Variants in TBC1D30 observed in about 807,000 individuals in gnomAD.
TBC1D30 encodes TBC1 domain family member 30, also known as TBC1 domain family, member 30.
TBC1D30 carries 31 observed loss-of-function variants against 63.2 expected under a neutral mutation model. The ratio of observed to expected loss-of-function variants is 0.49; its 90% CI spans 0.37 to 0.66. The LOEUF (loss-of-function observed/expected upper bound fraction) is 0.66, where lower values mean the gene tolerates loss of function less well. TBC1D30 is among the 30% of genes least tolerant of loss of function. The pLI, the probability that TBC1D30 is intolerant of heterozygous loss-of-function variation, is 0.00. For synonymous variants in TBC1D30, 307 were observed against 361.5 expected (o/e 0.85, Z 1.71); for missense variants, 810 against 953.6 (o/e 0.85, Z 1.98).
chr12:64,775,415 A>C (rs887674485), intron 1 of TBC1D30, among the ~76,000 whole-genome samples: 1 of 152,200 alleles, frequency 6.6e-6, no homozygotes, highest in African/African-American at 2.4e-5. Flanking sequence ...ACATAGGCTC[A>C]AAATAAAGGG....
chr12:64,800,953 G>A (rs1462055617), intron 2 of TBC1D30, among the ~76,000 whole-genome samples: 1 of 152,170 alleles, frequency 6.6e-6, no homozygotes, highest in Non-Finnish European at 1.5e-5. Flanking sequence ...GGATATTAGA[G>A]TCATTCTGGA....
intron 2 of TBC1D30, among the ~76,000 whole-genome samples, chr12:64,792,566 T>A (rs926727511): frequency 1.4e-4 from 22 of 152,172 alleles, no homozygotes; most frequent in African/African-American, 5.1e-4. Flanking sequence ...TTAGGCTAGT[T>A]ATTATTTATT....
At chr12:64,766,797 A>G (rs921416615) in intron 1 of TBC1D30, among the ~76,000 whole-genome samples, 6 of 152,212 alleles carry the variant, frequency 3.9e-5, no homozygotes, top group Non-Finnish European at 8.8e-5. Flanking sequence ...GTACTAGGCC[A>G]TAAAACAAAC....
chr12:64,785,857 A>T, intron 1 of TBC1D30: 3 of 1,282,000 alleles, frequency 2.3e-6, no homozygotes, highest in Non-Finnish European at 3.1e-6. Flanking sequence ...ATTAATCGTT[A>T]TTCTTATTTT....
rs1282403049 is a variant in TBC1D30 at position 64,870,594 on chromosome 12, G to A, written c.1292-8G>A. ...ACCATCTCCTTATGTCTCATCCTTC[G>A]AGCGCAGAGCCAAATGAGGAGCAGA... is the stretch of plus-strand genomic sequence containing the variant. On this transcript the variant is annotated splice_polypyrimidine_tract_variant and splice_region_variant and intron_variant, in intron 10 of 11. Transcript: ENST00000539867. 17 of 1,535,732 alleles carry A rather than the reference G, an allele frequency of 1.1e-5. No homozygotes were observed. In the East Asian group the frequency reaches 1.5e-4, roughly 13 times the overall value.
At chr12:64,857,552 G>C (rs1877413585) in intron 8 of TBC1D30, among the ~76,000 whole-genome samples, 1 of 152,208 alleles carries the variant, frequency 6.6e-6, no homozygotes, top group South Asian at 2.1e-4. Flanking sequence ...CACTGCCTGG[G>C]GTTGGGGGAG....
At chr12:64,827,262 C>T (rs981576302) in intron 1 of TBC1D30, among the ~76,000 whole-genome samples, 2 of 152,198 alleles carry the variant, frequency 1.3e-5, no homozygotes, top group Admixed American at 6.5e-5. Flanking sequence ...TCAGCCTGAC[C>T]AACATGACGA....
intron 8 of TBC1D30, 128 bp from the exon 9 acceptor site, chr12:64,864,540 C>G: frequency 3.4e-6 from 2 of 589,652 alleles, no homozygotes; most frequent in Non-Finnish European, 5.9e-6. Context: ...AATCTCTCCA[C>G]CTGCTGTGTA....
Position 64,799,371 on chromosome 12 carries a change from T to C in TBC1D30, c.643+13326T>C, listed in dbSNP as rs548208411. On this transcript the variant is annotated intron_variant, in intron 2 of 12. Transcript: ENST00000542120. ...TATGTGAATTAAGTGAGTTAAAGTA[T>C]GTAAAATGTTTAGAAAACTGTCTGG... 2.6e-5 allele frequency among the ~76,000 whole-genome samples: 4 copies of C among 152,232 alleles called. No individual in the cohort carries two copies. In the East Asian group the frequency reaches 7.7e-4, roughly 29 times the overall value.
chr12:64,848,147 T>A (rs1048686134), intron 8 of TBC1D30, among the ~76,000 whole-genome samples: 1 of 152,074 alleles, frequency 6.6e-6, no homozygotes, highest in Non-Finnish European at 1.5e-5. Context: ...ACCTTCTTTG[T>A]CTCTTCTTAA....
chr12:64,860,717 A>G (rs945668648), intron 8 of TBC1D30, among the ~76,000 whole-genome samples: 1 of 152,208 alleles, frequency 6.6e-6, no homozygotes, highest in African/African-American at 2.4e-5. Flanking sequence ...CTGGCTTTAA[A>G]GAAACTTAAA....
At position 64,876,723 on chromosome 12, in the gene TBC1D30, T is replaced by G; in HGVS notation, c.*935T>G. ...CACCTGTGACTCTGTTACTTGAATT[T>G]TGTGCTTTTTGATTGGAGTCCTTTG... On this transcript the variant is annotated 3_prime_UTR_variant, in exon 12 of 12. Coordinates refer to ENST00000539867, the MANE Select transcript of TBC1D30 (RefSeq NM_015279.2). The G allele has an allele frequency of 2.2e-6, 1 of 451,720 alleles. No individual in the cohort carries two copies. The highest frequency in any genetic ancestry group is 2.4e-5 in the Admixed American group (1 of 42,378). The allele number at this position is 451,720 out of a possible 1,614,324, so 28.0% of individuals were successfully genotyped here.
In TBC1D30 at chr12:64,825,248, G is replaced by A. The variant is rs571986392; in HGVS notation, c.154+215G>A. 703 of 529,294 alleles carry A rather than the reference G, an allele frequency of 1.3e-3. 19 individuals are homozygous for A. The Admixed American group carries it at 0.025, about 19-fold the overall frequency. 32.8% of individuals were successfully genotyped at this position (529,294 alleles called of 1,614,324 possible). A position where few individuals can be genotyped will look rare whatever the true frequency, so the allele number is the denominator to read the frequency against. On this transcript the variant is annotated intron_variant, in intron 1 of 11. Coordinates refer to ENST00000539867, the MANE Select transcript of TBC1D30 (RefSeq NM_015279.2). ...GGGTGGGGCAGCGGCCACCCCAGGCGCGGAGAACCCGCTGCTTCCACCCTC... is the reference window on the plus strand; with the variant it reads ...GGGTGGGGCAGCGGCCACCCCAGGCACGGAGAACCCGCTGCTTCCACCCTC...
chr12:64,783,395 C>A (rs80090985), intron 1 of TBC1D30, among the ~76,000 whole-genome samples: 2 of 152,136 alleles, frequency 1.3e-5, no homozygotes, highest in African/African-American at 4.8e-5. Flanking sequence ...CCTCAGAGGG[C>A]TGTGGTGAGA....
At chr12:64,805,805 C>T (rs1391145652) in intron 2 of TBC1D30, among the ~76,000 whole-genome samples, 1 of 152,012 alleles carries the variant, frequency 6.6e-6, no homozygotes, top group Non-Finnish European at 1.5e-5. Context: ...TGCACTCCAG[C>T]CTGGGTGACA....
intron 11 of TBC1D30, among the ~76,000 whole-genome samples, chr12:64,872,934 A>G (rs770661715): frequency 3.3e-5 from 5 of 152,164 alleles, no homozygotes; most frequent in Non-Finnish European, 7.3e-5. Context: ...CCATGATTCA[A>G]TTATCTCTTA....
At chr12:64,834,707 C>CTTTTTTTTTTTTTTTT (rs11374555) in intron 5 of TBC1D30, among the ~76,000 whole-genome samples, 1 of 76,320 alleles carries the variant, frequency 1.3e-5, no homozygotes, top group Non-Finnish European at 2.5e-5. Context: ...CCGTGCCGGG[C>CTTTTTTTTTTTTTTTT]TTTTTTTTTT....
intron 1 of TBC1D30, among the ~76,000 whole-genome samples, chr12:64,782,624 G>C (rs754596799): frequency 2.0e-5 from 3 of 152,180 alleles, no homozygotes; most frequent in Non-Finnish European, 2.9e-5. Context: ...TCATCACCGA[G>C]GGAATTCTGG....
At chr12:64,824,127 G>T (rs1390717348), upstream of TBC1D30, among the ~76,000 whole-genome samples, 1 of 151,648 alleles carries the variant, frequency 6.6e-6, no homozygotes, top group Non-Finnish European at 1.5e-5. Context: ...CTGAAGTCTG[G>T]CTGGAGAGAT....
Sources: allele counts gnomAD v4.1 joint callset (sites outside exome capture counted in the v4.1 genomes callset), GRCh38; gene constraint gnomAD v4.1.1; transcripts MANE v1.5; gene names NCBI Gene and HGNC (gene_info 2026-07-23, HGNC 2026-07-21).